Variants in ABCA1 observed in about 807,000 individuals in gnomAD.
The protein encoded by ABCA1 is phospholipid-transporting ATPase ABCA1.
A neutral mutation model predicts 262.5 loss-of-function variants in ABCA1; 133 were observed. The observed-to-expected ratio is 0.51, with a 90% CI of 0.44 to 0.59. The LOEUF (loss-of-function observed/expected upper bound fraction) is 0.59. Ranked by LOEUF, ABCA1 falls within the 20% of genes least tolerant of loss-of-function variation. The pLI is 0.00. For missense variants in ABCA1, 2,452 were observed against 2,777.5 expected (o/e 0.88, Z 2.63); for synonymous variants, 1,022 against 1,043.5 (o/e 0.98, Z 0.40).
At chr9:104,912,465 T>C (rs1052821896) in intron 1 of ABCA1, among the ~76,000 whole-genome samples, 9 of 152,248 alleles carry the variant, frequency 5.9e-5, no homozygotes, top group African/African-American at 1.9e-4. Context: ...ATGTCACTGA[T>C]ACTTGGACAA....
At chr9:104,796,722 T>G (rs1324007119) in intron 37 of ABCA1, among the ~76,000 whole-genome samples, 1 of 152,198 alleles carries the variant, frequency 6.6e-6, no homozygotes, top group Non-Finnish European at 1.5e-5. Flanking sequence ...AATTTTAATT[T>G]CACAGGCAGC....
At position 104,832,657 on chromosome 9, in the gene ABCA1, A is replaced by G. The variant is rs1229845264; in HGVS notation, c.1426T>C (p.Ser476Pro). Residue 476 changes from serine to proline, a missense_variant, in exon 12 of 50, where the codon TCC becomes CCC. Ser to Pro is a moderately conservative substitution (Grantham distance 74). Around this residue, in one of 4 missense-constraint regions of ABCA1, gnomAD observed 1,032 missense variants for 1,089.7 expected, o/e 0.95. Transcript: ENST00000374736. Reference sequence around the variant, plus strand: ...CAGGTGTACACAGAACCATTACTGGACTGGACATCCTCTGGGTGCTTGGCC... The same window carrying G: ...CAGGTGTACACAGAACCATTACTGGGCTGGACATCCTCTGGGTGCTTGGCC... The part of the protein sequence containing the change: ...FLAKHPEDVQ[S>P]SNGSVYTWRE... The G allele has an allele frequency of 6.8e-6, 11 of 1,614,170 alleles. No individual in the cohort carries two copies. The highest frequency in any genetic ancestry group is 7.6e-6 in the Non-Finnish European group (9 of 1,180,030).
chr9:104,814,872 G>A (rs1242615302), intron 25 of ABCA1, among the ~76,000 whole-genome samples: 3 of 152,196 alleles, frequency 2.0e-5, no homozygotes, highest in African/African-American at 7.2e-5. Context: ...GCACATGCTT[G>A]TAATCTCAGC....
At chr9:104,857,016 A>G (rs912595630) in intron 7 of ABCA1, among the ~76,000 whole-genome samples, 1 of 152,140 alleles carries the variant, frequency 6.6e-6, no homozygotes, top group Non-Finnish European at 1.5e-5. Context: ...TTAAAATTAT[A>G]ACATGGGACC....
intron 5 of ABCA1, among the ~76,000 whole-genome samples, chr9:104,878,555 T>C (rs1358600878): frequency 6.6e-6 from 1 of 152,136 alleles, no homozygotes; most frequent in Non-Finnish European, 1.5e-5. Context: ...TGTGTAGACT[T>C]GGGACAGTCA....
chr9:104,785,273 A>G, intron 49 of ABCA1, 123 bp downstream of exon 49: 1 of 1,298,628 alleles, frequency 7.7e-7, no homozygotes, highest in Non-Finnish European at 1.1e-6. Context: ...ATAGCTAGGA[A>G]TAGTAGATCA....
chr9:104,855,679 G>C (rs1486461765), intron 7 of ABCA1: 2 of 1,496,560 alleles, frequency 1.3e-6, no homozygotes, highest in Non-Finnish European at 1.8e-6. Context: ...TGTGTATGTA[G>C]AAGAAGAGAA....
chr9:104,911,796 AT>A (rs1000816533), intron 1 of ABCA1, among the ~76,000 whole-genome samples: 3 of 152,216 alleles, frequency 2.0e-5, no homozygotes, highest in Non-Finnish European at 2.9e-5. Context: ...TAAAGGCAAC[AT>A]TTTAATAGTC....
At chr9:104,861,124 C>T (rs1336756540) in intron 6 of ABCA1, among the ~76,000 whole-genome samples, 1 of 152,178 alleles carries the variant, frequency 6.6e-6, no homozygotes, top group Non-Finnish European at 1.5e-5. Context: ...CCAGTGCCAT[C>T]TCACAGAGCT....
chr9:104,887,703 A>T (rs7043581), intron 3 of ABCA1, among the ~76,000 whole-genome samples: 1 of 149,674 alleles, frequency 6.7e-6, no homozygotes, highest in African/African-American at 2.5e-5. Flanking sequence ...TATAAATTGC[A>T]TATAAATTTC....
In ABCA1 at chr9:104,889,412, G is replaced by A. The variant is rs1839511919; in HGVS notation, c.67-217C>T. The A allele has an allele frequency of 7.1e-6, 7 of 979,670 alleles. 1 individual carries two copies. In the South Asian group the frequency reaches 3.3e-4, roughly 46 times the overall value. 60.7% of individuals were successfully genotyped at this position (979,670 alleles called of 1,614,324 possible). A position where few individuals can be genotyped will look rare whatever the true frequency, so the allele number is the denominator to read the frequency against. The stretch of plus-strand genomic sequence containing the variant: ...CTGTGTCTTCCCTTAGGTAAGGGAA[G>A]ATGCTTCCTATCGTGCTTTATCTGG... On this transcript the variant is annotated intron_variant, in intron 2 of 49. Coordinates refer to ENST00000374736, the MANE Select transcript of ABCA1 (RefSeq NM_005502.4).
chr9:104,869,442 G>A (rs1319225999), intron 5 of ABCA1, among the ~76,000 whole-genome samples: 12 of 152,160 alleles, frequency 7.9e-5, no homozygotes, highest in Non-Finnish European at 1.8e-4. Context: ...ATAAGACCTT[G>A]AAATACTTCT....
intron 18 of ABCA1, among the ~76,000 whole-genome samples, chr9:104,823,677 C>A (rs975874255): frequency 6.6e-6 from 1 of 152,066 alleles, no homozygotes; most frequent in African/African-American, 2.4e-5. Flanking sequence ...AGAGAAAGTT[C>A]TCCTGTGAGA....
chr9:104,847,288 A>G (rs530133803), intron 7 of ABCA1, among the ~76,000 whole-genome samples: 1 of 152,324 alleles, frequency 6.6e-6, no homozygotes, highest in East Asian at 1.9e-4. Context: ...GGGTAGCTAT[A>G]GAACCCTGGG....
At chr9:104,838,572 G>GCC (rs1834049080) in intron 9 of ABCA1, among the ~76,000 whole-genome samples, 1 of 150,816 alleles carries the variant, frequency 6.6e-6, no homozygotes, top group South Asian at 2.1e-4. Flanking sequence ...AGCCGAGATG[G>GCC]CGCCACTGCA....
Position 104,817,462 on chromosome 9 carries a change from G to A in ABCA1, c.3463-58C>T. 3 of 1,583,282 alleles carry A rather than the reference G, an allele frequency of 1.9e-6. No homozygotes were observed. The highest frequency in any genetic ancestry group is 1.3e-5 in the African/African-American group (1 of 74,392). On this transcript the variant is annotated intron_variant, in intron 23 of 49. Transcript: ENST00000374736. This position sits in a 1 kb window ranked among gnomAD's most constrained non-coding sequence, Gnocchi z 4.7. ...GGGACGGAGCAAGGCAGAGCCACCA[G>A]CACCTTCGCCGGGGAGGGCTTCCAA...
intron 6 of ABCA1, among the ~76,000 whole-genome samples, chr9:104,859,461 C>A (rs1484393668): frequency 6.8e-6 from 1 of 146,250 alleles, no homozygotes; most frequent in Non-Finnish European, 1.5e-5. Flanking sequence ...AACATTATAG[C>A]CAGTATTTGT....
At chr9:104,874,525 C>T (rs190212587) in intron 5 of ABCA1, among the ~76,000 whole-genome samples, 26 of 152,176 alleles carry the variant, frequency 1.7e-4, no homozygotes, top group Non-Finnish European at 2.8e-4. Flanking sequence ...AAGATCGTGC[C>T]GCTCCACTCA....
intron 11 of ABCA1, among the ~76,000 whole-genome samples, chr9:104,834,872 T>G (rs924089220): frequency 4.6e-5 from 7 of 152,136 alleles, no homozygotes; most frequent in Non-Finnish European, 5.9e-5. Flanking sequence ...AGCAGAAGCC[T>G]CAGCCATCAC....
Sources: allele counts gnomAD v4.1 joint callset (sites outside exome capture counted in the v4.1 genomes callset), GRCh38; gene constraint gnomAD v4.1.1; regional missense constraint gnomAD v4.1.1; non-coding constraint Gnocchi (gnomAD v3.1); transcripts MANE v1.5; gene names NCBI Gene and HGNC (gene_info 2026-07-23, HGNC 2026-07-21).